Variants in TSPEAR observed in about 807,000 individuals in gnomAD.
The protein encoded by TSPEAR is thrombospondin type laminin G domain and EAR repeats, also known as thrombospondin-type laminin G domain and EAR repeat-containing protein.
In TSPEAR, 69 loss-of-function variants were observed where a neutral mutation model predicts 71.6. The observed-to-expected ratio is 0.96, with a 90% CI of 0.79 to 1.18. The LOEUF (loss-of-function observed/expected upper bound fraction) is 1.18, where lower values mean the gene tolerates loss of function less well. TSPEAR is among the 50% of genes most tolerant of loss of function. The probability of loss-of-function intolerance (pLI) is 0.00; values close to 1 mark genes in which losing one functional copy is unlikely to be tolerated. For missense variants in TSPEAR, 971 were observed against 894.9 expected, an observed-to-expected ratio of 1.09 and a Z score of -1.09; for synonymous variants, 402 against 387.2, an observed-to-expected ratio of 1.04 and a Z score of -0.45.
intron 1 of TSPEAR, among the ~76,000 whole-genome samples, chr21:44,652,614 G>A (rs923282741): frequency 1.3e-5 from 2 of 152,280 alleles, no homozygotes; most frequent in East Asian, 3.9e-4. Context: ...GGTAGGAATG[G>A]CTTCATGTGT....
chr21:44,680,859 A>G (rs1555947805), intron 1 of TSPEAR, among the ~76,000 whole-genome samples: 2 of 152,256 alleles, frequency 1.3e-5, no homozygotes. Context: ...AGAGGTGAAG[A>G]ACGGTGTGTG....
At chr21:44,670,939 T>C (rs1196262656) in intron 1 of TSPEAR, among the ~76,000 whole-genome samples, 6 of 152,322 alleles carry the variant, frequency 3.9e-5, no homozygotes, top group Middle Eastern at 3.4e-3. Flanking sequence ...AACTTGCATG[T>C]ACCCTGAGTA....
chr21:44,626,259 A>G lies in TSPEAR; in HGVS notation c.83-58254T>C, dbSNP rs78873875. Among the ~76,000 whole-genome samples the G allele has an allele frequency of 3.7e-3, 561 of 152,374 alleles. 4 individuals are homozygous for G. Among genetic ancestry groups the G allele is most frequent in the African/African-American group, 0.013 (543 of 41,594 alleles). ...GTGATCAGGGCCATTTTATAAGGCAAGAAGCTCGGGACTTCATCATGCCCT... is the reference window on the plus strand; with the variant it reads ...GTGATCAGGGCCATTTTATAAGGCAGGAAGCTCGGGACTTCATCATGCCCT... On this transcript the variant is annotated intron_variant, in intron 1 of 11. Coordinates refer to ENST00000323084, the MANE Select transcript of TSPEAR (RefSeq NM_144991.3).
intron 1 of TSPEAR, among the ~76,000 whole-genome samples, chr21:44,620,193 C>T (rs1201930334): frequency 3.9e-5 from 6 of 152,134 alleles, no homozygotes; most frequent in African/African-American, 1.4e-4. Context: ...TGGGGAGCAC[C>T]CAACAACCAA....
intron 1 of TSPEAR, chr21:44,601,185 G>A (rs781916598): frequency 6.3e-6 from 10 of 1,597,030 alleles, no homozygotes; most frequent in Admixed American, 1.7e-5. Context: ...CCTGCTGCCA[G>A]GCGGTCTGTG....
chr21:44,614,549 T>A (rs1981946840), intron 1 of TSPEAR, among the ~76,000 whole-genome samples: 1 of 152,248 alleles, frequency 6.6e-6, no homozygotes. Context: ...GCTCGGTTCC[T>A]GGCAGGGCCG....
intron 1 of TSPEAR, chr21:44,647,743 C>A (rs782354553): frequency 1.1e-5 from 3 of 276,468 alleles, no homozygotes; most frequent in South Asian, 5.4e-5. Flanking sequence ...TAAAGGCAGA[C>A]AGGACAGTGT....
intron 1 of TSPEAR, among the ~76,000 whole-genome samples, chr21:44,685,848 A>C (rs1445767199): frequency 1.3e-5 from 2 of 152,168 alleles, no homozygotes; most frequent in Non-Finnish European, 2.9e-5. Flanking sequence ...CAAACCCTCT[A>C]TGACTTACAA....
chr21:44,605,914 C>G (rs1364949264), intron 1 of TSPEAR, among the ~76,000 whole-genome samples: 5 of 151,922 alleles, frequency 3.3e-5, no homozygotes, highest in Non-Finnish European at 7.4e-5. Flanking sequence ...GAATAGGACC[C>G]CAAAAGCACA....
chr21:44,524,463 GTAGT>G (rs1555914680), intron 8 of TSPEAR, among the ~76,000 whole-genome samples: 2 of 151,390 alleles, frequency 1.3e-5, no homozygotes, highest in Admixed American at 6.6e-5. Flanking sequence ...AGCCAGTCAG[GTAGT>G]TAGGTAGTCA....
chr21:44,688,712 G>GA (rs200384106), intron 1 of TSPEAR, among the ~76,000 whole-genome samples: 19 of 150,436 alleles, frequency 1.3e-4, no homozygotes, highest in Admixed American at 1.1e-3. Flanking sequence ...CTATCTCAAA[G>GA]AAAAAAAAAT....
chr21:44,615,656 G>A (rs1194784623), intron 1 of TSPEAR, among the ~76,000 whole-genome samples: 1 of 151,402 alleles, frequency 6.6e-6, no homozygotes, highest in Non-Finnish European at 1.5e-5. Context: ...GGTGCCTCCT[G>A]GGAGTGAGGG....
At chr21:44,518,313 G>A (rs1555913765) in intron 9 of TSPEAR, 1 of 469,422 alleles carries the variant, frequency 2.1e-6, no homozygotes, top group East Asian at 7.0e-5. Flanking sequence ...GGATGGCATG[G>A]GTGACACGCA....
chr21:44,610,407 G>T (rs986214433), intron 1 of TSPEAR, among the ~76,000 whole-genome samples: 1 of 152,236 alleles, frequency 6.6e-6, no homozygotes, highest in Admixed American at 6.5e-5. Flanking sequence ...TTCAGAGGGT[G>T]GAAGCCCCAA....
rs1169733142 is a variant in TSPEAR, at chr21:44,642,492, A to G, written c.82+68941T>C. ...AGAGATTGTATGAACCTACAATAAC[A>G]GAAAACTAAGCCACTATGTATAGCC... is the stretch of plus-strand genomic sequence containing the variant. On this transcript the variant is annotated intron_variant, in intron 1 of 11. Transcript: ENST00000323084. The surrounding 1 kb of genome is among the most constrained non-coding windows in gnomAD (Gnocchi z 4.1). 6.6e-6 allele frequency among the ~76,000 whole-genome samples: 1 copy of G among 152,248 alleles called. No homozygotes were observed. The highest frequency in any genetic ancestry group is 2.4e-5 in the African/African-American group (1 of 41,464).
chr21:44,627,132 C>G, intron 1 of TSPEAR: 1 of 1,596,124 alleles, frequency 6.3e-7, no homozygotes, highest in Non-Finnish European at 8.5e-7. Flanking sequence ...CTCACACACT[C>G]ACTTACACCT....
intron 1 of TSPEAR, chr21:44,666,801 G>C (rs7275281): frequency 0.52 from 835,477 of 1,613,352 alleles, 218,592 homozygotes; most frequent in African/African-American, 0.7. Flanking sequence ...TGCCTGGCAG[G>C]AGCTGGGCAC....
rs996288400 is a variant in TSPEAR, at chr21:44,534,069, G to T, written c.304-146C>A. On this transcript the variant is annotated intron_variant, in intron 2 of 11. Transcript: ENST00000323084. The stretch of plus-strand genomic sequence containing the variant: ...AGGGGCGAGGTGAGGGGGCGCGGTG[G>T]ATGGGAAGGGCAGGGTGGATAGGGG... The T allele has an allele frequency of 1.1e-5, 7 of 635,120 alleles. No homozygotes were observed. The African/African-American group carries it at 1.3e-4, about 12-fold the overall frequency. 39.3% of individuals were successfully genotyped at this position (635,120 alleles called of 1,614,324 possible). A position where few individuals can be genotyped will look rare whatever the true frequency, so the allele number is the denominator to read the frequency against.
At chr21:44,539,309 G>A in intron 2 of TSPEAR, 3 of 1,609,668 alleles carry the variant, frequency 1.9e-6, no homozygotes, top group Non-Finnish European at 1.7e-6. Context: ...GCCTCAGCAG[G>A]CCGGGCGGGA....
Sources: allele counts gnomAD v4.1 joint callset (sites outside exome capture counted in the v4.1 genomes callset), GRCh38; gene constraint gnomAD v4.1.1; non-coding constraint Gnocchi (gnomAD v3.1); transcripts MANE v1.5; gene names NCBI Gene and HGNC (gene_info 2026-07-23, HGNC 2026-07-21).